The following MLLT1 variants were observed in gnomAD, a reference collection of about 807,000 sequenced individuals.
MLLT1 encodes the protein protein ENL.
A neutral mutation model predicts 55.1 loss-of-function variants in MLLT1; 11 were observed. That is an observed-to-expected ratio of 0.20 (90% CI 0.13 to 0.33). The LOEUF is 0.33. Among genes scored for constraint, MLLT1 ranks in the 10% least tolerant of loss-of-function variants. The pLI, the probability that MLLT1 is intolerant of heterozygous loss-of-function variation, is 1.00. For synonymous variants in MLLT1, 323 were observed against 320.1 expected (o/e 1.01, Z -0.10); for missense variants, 536 against 760.6 (o/e 0.70, Z 3.47).
In MLLT1 at chr19:6,235,976, T is replaced by C. The variant is rs1407507221; in HGVS notation, c.277-5263A>G. Among the ~76,000 whole-genome samples the C allele has an allele frequency of 6.6e-6, 1 of 152,108 alleles. No homozygotes were observed. The highest frequency in any genetic ancestry group is 1.5e-5 in the Non-Finnish European group (1 of 68,038). ...CAGTCCAAAGCATGTCTGTCTTCTG[T>C]CCCAGCATCCCACTGACCCATGAAC... is the stretch of plus-strand genomic sequence containing the variant. On this transcript the variant is annotated intron_variant, in intron 3 of 11. Transcript: ENST00000252674. This position sits in a 1 kb window ranked among gnomAD's most constrained non-coding sequence, Gnocchi z 5.5.
At chr19:6,225,181 T>C (rs1379690481) in intron 5 of MLLT1, among the ~76,000 whole-genome samples, 1 of 152,172 alleles carries the variant, frequency 6.6e-6, no homozygotes, top group East Asian at 1.9e-4. Flanking sequence ...CTGTGGTTCC[T>C]GCCTGCCACG....
At chr19:6,236,484 G>A (rs1008093388) in intron 3 of MLLT1, among the ~76,000 whole-genome samples, 7 of 152,130 alleles carry the variant, frequency 4.6e-5, no homozygotes, top group African/African-American at 7.2e-5. Flanking sequence ...CAGCCACGAC[G>A]AGGAGACCCG....
intron 3 of MLLT1, among the ~76,000 whole-genome samples, chr19:6,257,178 G>T (rs764658588): frequency 6.6e-6 from 1 of 152,210 alleles, no homozygotes; most frequent in Non-Finnish European, 1.5e-5. Context: ...CAGATAAATA[G>T]AATTTCATAA....
intron 3 of MLLT1, among the ~76,000 whole-genome samples, chr19:6,252,729 C>T (rs577703241): frequency 9.9e-5 from 15 of 152,026 alleles, no homozygotes; most frequent in African/African-American, 2.4e-4. Context: ...AAATAAAATA[C>T]GCAATAAAAG....
chr19:6,257,410 A>AAC (rs1295510667), intron 3 of MLLT1, among the ~76,000 whole-genome samples: 1 of 151,972 alleles, frequency 6.6e-6, no homozygotes, highest in Non-Finnish European at 1.5e-5. Flanking sequence ...AAAAAAAAAA[A>AAC]ACACCTAAAA....
In MLLT1 at chr19:6,240,122, G is replaced by A. The variant is rs1005311785; in HGVS notation, c.277-9409C>T. On this transcript the variant is annotated intron_variant, in intron 3 of 11. Coordinates refer to ENST00000252674, the MANE Select transcript of MLLT1 (RefSeq NM_005934.4). This position sits in a 1 kb window ranked among gnomAD's most constrained non-coding sequence, Gnocchi z 4.7. The stretch of plus-strand genomic sequence containing the variant: ...ACAGGAAAGAGGCAGAAAGGCCACC[G>A]GTGCCTCTGGCTGGGAGGACAGTGT... Among the ~76,000 whole-genome samples the A allele has an allele frequency of 3.9e-5, 6 of 152,132 alleles. No individual in the cohort carries two copies. Among genetic ancestry groups the A allele is most frequent in the East Asian group, 1.9e-4 (1 of 5,182 alleles).
In MLLT1 at chr19:6,262,179, A is replaced by T. The variant is rs2091311187; in HGVS notation, c.276+49T>A. ...TGTGAACTGCCGTGGCACCCGGAGC[A>T]GGGGTCCCCACAGAGAGGCATCCTG... On this transcript the variant is annotated intron_variant, in intron 3 of 11. Coordinates refer to ENST00000252674, the MANE Select transcript of MLLT1 (RefSeq NM_005934.4). The surrounding 1 kb of genome is among the most constrained non-coding windows in gnomAD (Gnocchi z 4.4). 2 of 1,476,020 alleles carry T rather than the reference A, an allele frequency of 1.4e-6. No homozygotes were observed. The highest frequency in any genetic ancestry group is 1.7e-5 in the Admixed American group (1 of 59,622). The allele number at this position is 1,476,020 out of a possible 1,614,324, so 91.4% of individuals were successfully genotyped here.
chr19:6,258,025 C>T (rs2091273223), intron 3 of MLLT1, among the ~76,000 whole-genome samples: 1 of 152,194 alleles, frequency 6.6e-6, no homozygotes, highest in Non-Finnish European at 1.5e-5. Context: ...GGAACCCTCA[C>T]ACATTGCTGG....
In MLLT1 at chr19:6,226,136, G is replaced by A. The variant is rs2144867966; in HGVS notation, c.546+841C>T. 6.6e-6 allele frequency among the ~76,000 whole-genome samples: 1 copy of A among 152,354 alleles called. No homozygotes were observed. The highest frequency in any genetic ancestry group is 2.1e-4 in the South Asian group (1 of 4,828). On this transcript the variant is annotated intron_variant, in intron 5 of 11. Transcript: ENST00000252674. This position sits in a 1 kb window ranked among gnomAD's most constrained non-coding sequence, Gnocchi z 6.3. The stretch of plus-strand genomic sequence containing the variant: ...GGAGAGCCCTGCCTGTCCTGCCTGG[G>A]ATGGCTGGGCCCACACGCAGGGCCT...
At position 6,262,208 on chromosome 19, in the gene MLLT1, G is replaced by A. The variant is rs779751527; in HGVS notation, c.276+20C>T. On this transcript the variant is annotated intron_variant, in intron 3 of 11. Coordinates refer to ENST00000252674, the MANE Select transcript of MLLT1 (RefSeq NM_005934.4). The surrounding 1 kb of genome is among the most constrained non-coding windows in gnomAD (Gnocchi z 4.4). ...GTCCCCACAGAGAGGCATCCTGCTT[G>A]CTCCCCTCAGGGATCCTACCTTGTT... 1.2e-5 allele frequency: 20 copies of A among 1,606,512 alleles called. No homozygotes were observed. Among genetic ancestry groups the A allele is most frequent in the Non-Finnish European group, 1.7e-5 (20 of 1,173,394 alleles).
At position 6,212,617 on chromosome 19, in the gene MLLT1, G is replaced by A; in HGVS notation, c.*425C>T. On this transcript the variant is annotated 3_prime_UTR_variant, in exon 12 of 12. Transcript: ENST00000252674. ...CTTCTGAGGTCCAGGGTGGGCGGAG[G>A]GTGTGTTCTGAACCATTCGGGAGGC... 8 of 1,096,188 alleles carry A rather than the reference G, an allele frequency of 7.3e-6. No homozygotes were observed. The highest frequency in any genetic ancestry group is 8.9e-6 in the Non-Finnish European group (8 of 900,520). The allele number at this position is 1,096,188 out of a possible 1,614,324, so 67.9% of individuals were successfully genotyped here.
chr19:6,211,925 GAA>G lies in MLLT1; in HGVS notation c.*1115_*1116del. The G allele has an allele frequency of 9.4e-7, 1 of 1,065,252 alleles. No homozygotes were observed. The highest frequency in any genetic ancestry group is 1.1e-6 in the Non-Finnish European group (1 of 879,092). 66.0% of individuals were successfully genotyped at this position (1,065,252 alleles called of 1,614,324 possible). On this transcript the variant is annotated 3_prime_UTR_variant, in exon 12 of 12. Transcript: ENST00000252674. This position sits in a 1 kb window ranked among gnomAD's most constrained non-coding sequence, Gnocchi z 4.6. ...GGGCGGGCCAGGCCGCGACCAGAGA[GAA>G]AGGCAGCCTGGGAGGGCCAGCCCGG...
rs367812128 is a variant in MLLT1 at position 6,229,673 on chromosome 19, AAC to A, written c.420+895_420+896del. 2.6e-5 allele frequency among the ~76,000 whole-genome samples: 4 copies of A among 151,142 alleles called. No individual in the cohort carries two copies. The highest frequency in any genetic ancestry group is 6.6e-5 in the Admixed American group (1 of 15,168). Reference sequence around the variant, plus strand: ...CAGACAGCGTATGTACATACCACACAACACACACACACGCCCCACACCCGTGA... The same window carrying A: ...CAGACAGCGTATGTACATACCACACAACACACACACGCCCCACACCCGTGA... On this transcript the variant is annotated intron_variant, in intron 4 of 11. Coordinates refer to ENST00000252674, the MANE Select transcript of MLLT1 (RefSeq NM_005934.4). This position sits in a 1 kb window ranked among gnomAD's most constrained non-coding sequence, Gnocchi z 5.2.
intron 3 of MLLT1, among the ~76,000 whole-genome samples, chr19:6,245,615 G>A (rs769138647): frequency 2.6e-5 from 4 of 152,212 alleles, no homozygotes; most frequent in Non-Finnish European, 5.9e-5. Flanking sequence ...GGAGGCTGAG[G>A]CAGGAGAATG....
intron 7 of MLLT1, among the ~76,000 whole-genome samples, chr19:6,217,140 G>C (rs574250416): frequency 6.6e-6 from 1 of 152,050 alleles, no homozygotes; most frequent in Non-Finnish European, 1.5e-5. Flanking sequence ...CTCCCTTCCC[G>C]GCAGATAAGA....
At chr19:6,218,474 C>T in intron 6 of MLLT1, among the ~76,000 whole-genome samples, 1 of 152,252 alleles carries the variant, frequency 6.6e-6, no homozygotes, top group East Asian at 1.9e-4. Flanking sequence ...GTGGACACTT[C>T]TTGTTCTGAC....
chr19:6,232,616 A>G (rs1342888580), intron 3 of MLLT1, among the ~76,000 whole-genome samples: 2 of 152,194 alleles, frequency 1.3e-5, no homozygotes, highest in Non-Finnish European at 2.9e-5. Context: ...ATTTTGGCCC[A>G]GGCATCGTGG....
chr19:6,259,330 T>C (rs1441119588), intron 3 of MLLT1: 2 of 152,308 alleles, frequency 1.3e-5, no homozygotes, highest in African/African-American at 4.8e-5. Flanking sequence ...CCTAATCGTG[T>C]TCCAAATCCT....
chr19:6,217,351 G>A (rs117952340), intron 7 of MLLT1, among the ~76,000 whole-genome samples: 2,899 of 152,334 alleles, frequency 0.019, 42 homozygotes, highest in Middle Eastern at 0.051. Flanking sequence ...GGGAGTGGGT[G>A]CTGGGGTCTG....
Sources: gnomAD v4.1 joint callset for allele counts (sites outside exome capture counted in the v4.1 genomes callset) on GRCh38, gnomAD v4.1.1 for gene constraint, Gnocchi (gnomAD v3.1) non-coding constraint, MANE v1.5 for transcripts, NCBI Gene and HGNC (gene_info 2026-07-23, HGNC 2026-07-21) for gene names.